The following GTF3A variants were observed in gnomAD, a reference collection of about 807,000 sequenced individuals.
GTF3A encodes the protein general transcription factor IIIA.
In GTF3A, 40 loss-of-function variants were observed where a neutral mutation model predicts 37.6. That is an observed-to-expected ratio of 1.06 (90% CI 0.83 to 1.38). GTF3A has a LOEUF of 1.38. Ranked by LOEUF, GTF3A falls within the 40% of genes most tolerant of loss-of-function variation. The pLI is 0.00. For missense variants in GTF3A, 500 were observed against 462.6 expected, an observed-to-expected ratio of 1.08 and a Z score of -0.74; for synonymous variants, 191 against 166.7, an observed-to-expected ratio of 1.15 and a Z score of -1.12.
At chr13:27,434,606 T>TGTG (rs1412534919) in intron 6 of GTF3A, 199 bp from the exon 7 acceptor site, 1 of 580,218 alleles carries the variant, frequency 1.7e-6, no homozygotes, top group African/African-American at 1.9e-5. Flanking sequence ...GAACAATGAC[T>TGTG]GTGTGGCATT....
chr13:27,431,745 G>A (rs760114499), intron 4 of GTF3A, among the ~76,000 whole-genome samples: 10 of 151,928 alleles, frequency 6.6e-5, no homozygotes, highest in Non-Finnish European at 8.8e-5. Flanking sequence ...TCCACGTAAC[G>A]AAAAAACACT....
chr13:27,425,213 G>C, intron 1 of GTF3A: 1 of 424,486 alleles, frequency 2.4e-6, no homozygotes, highest in Non-Finnish European at 4.2e-6. Context: ...AAATAAGTGT[G>C]AGGTTTGAGG....
At position 27,430,568 on chromosome 13, in the gene GTF3A, ACAT is replaced by A; in HGVS notation, c.438_440del (p.His146del). ...AAGACTGTAAGAAGACCTTTAAGAAACATCAGCAGCTGAAAATCCATCAGTGCC... is the reference window on the plus strand; with the variant it reads ...AAGACTGTAAGAAGACCTTTAAGAAACAGCAGCTGAAAATCCATCAGTGCC... On this transcript the variant is annotated inframe_deletion, in exon 4 of 9. Transcript: ENST00000381140. 1 of 1,612,552 alleles carries A rather than the reference ACAT, an allele frequency of 6.2e-7. No individual in the cohort carries two copies. Among genetic ancestry groups the A allele is most frequent in the Non-Finnish European group, 8.5e-7 (1 of 1,178,790 alleles).
intron 6 of GTF3A, 166 bp from the exon 7 acceptor site, chr13:27,434,639 C>A: frequency 1.7e-6 from 1 of 584,278 alleles, no homozygotes; most frequent in Non-Finnish European, 3.0e-6. Context: ...AGAATTGAGA[C>A]AAACTTCCTA....
At chr13:27,433,029 C>T (rs535559091) in intron 5 of GTF3A, among the ~76,000 whole-genome samples, 2 of 152,252 alleles carry the variant, frequency 1.3e-5, no homozygotes, top group South Asian at 4.1e-4. Flanking sequence ...TCACAACAAG[C>T]GCCTGGTTAC....
chr13:27,434,519 A>G, intron 6 of GTF3A: 1 of 511,084 alleles, frequency 2.0e-6, no homozygotes, highest in Non-Finnish European at 3.5e-6. Context: ...ACTGGGGGAC[A>G]AGGAAGGACA....
chr13:27,427,135 T>A lies in GTF3A; in HGVS notation c.245T>A (p.Ile82Asn), dbSNP rs773911915. 1 of 1,608,486 alleles carries A rather than the reference T, an allele frequency of 6.2e-7. No homozygotes were observed. Among genetic ancestry groups the A allele is most frequent in the East Asian group, 2.2e-5 (1 of 44,862 alleles). The change falls in exon 2 of 9, where the codon ATC (isoleucine) becomes AAC (asparagine). Residue 82 changes from isoleucine (I) to asparagine (N), a missense_variant. Ile to Asn is a moderately radical substitution (Grantham distance 149, BLOSUM62 -3). Transcript: ENST00000381140. ...TATGAAGGGTGTGGCAAGGCCTTCA[T>A]CAGGGACTACCATCTGAGCCGCCAC...
Position 27,427,188 on chromosome 13 carries a change from T to A in GTF3A, c.298T>A (p.Phe100Ile). Residue 100 changes from phenylalanine (F) to isoleucine (I), a missense_variant, in exon 2 of 9, where the codon TTT (phenylalanine) becomes ATT (isoleucine). Physicochemically the swap from Phe to Ile is conservative, Grantham distance 21. Coordinates refer to ENST00000381140, the MANE Select transcript of GTF3A (RefSeq NM_002097.3). ...TCTGACTCACACAGGAGAAAAGCCG[T>A]TTGTGTAAGTAGAGACCTGTTTTTA... The A allele has an allele frequency of 1.3e-6, 2 of 1,546,810 alleles. No individual in the cohort carries two copies. Among genetic ancestry groups the A allele is most frequent in the Non-Finnish European group, 1.8e-6 (2 of 1,121,354 alleles).
chr13:27,432,545 T>C (rs1953666590), intron 4 of GTF3A, among the ~76,000 whole-genome samples, 186 bp from the exon 5 acceptor site: 1 of 152,214 alleles, frequency 6.6e-6, no homozygotes, highest in Admixed American at 6.5e-5. Context: ...CTCCAACAGT[T>C]TGTTTTGTCC....
At chr13:27,431,537 T>C (rs1464228115) in intron 4 of GTF3A, among the ~76,000 whole-genome samples, 1 of 151,574 alleles carries the variant, frequency 6.6e-6, no homozygotes, top group African/African-American at 2.4e-5. Context: ...AACTCAGGAA[T>C]GGAAAACCAA....
At chr13:27,435,213 C>A (rs1953700531) in intron 8 of GTF3A, 21 bp downstream of exon 8, 1 of 1,573,854 alleles carries the variant, frequency 6.4e-7, no homozygotes, top group South Asian at 1.2e-5. Flanking sequence ...ACTACTTAGG[C>A]AAGCTTAGTT....
chr13:27,435,774 A>G lies in GTF3A; in HGVS notation c.*177A>G. On this transcript the variant is annotated 3_prime_UTR_variant, in exon 9 of 9. Transcript: ENST00000381140. Reference sequence around the variant, plus strand: ...GAGTTTCTTTATATGCCTTCTCCTCATTTTTGCTGAAAGCACGAAGAACAC... The same window carrying G: ...GAGTTTCTTTATATGCCTTCTCCTCGTTTTTGCTGAAAGCACGAAGAACAC... 5 of 1,613,952 alleles carry G rather than the reference A, an allele frequency of 3.1e-6. No individual in the cohort carries two copies. In the South Asian group the frequency reaches 5.5e-5, roughly 18 times the overall value.
chr13:27,430,048 G>A (rs1008667054), intron 3 of GTF3A, 82 bp downstream of exon 3: 8 of 697,754 alleles, frequency 1.1e-5, no homozygotes, highest in South Asian at 4.7e-5. Context: ...AGCCAGGTGC[G>A]GTGGCTCAAG....
chr13:27,431,177 G>A (rs570448625), intron 4 of GTF3A, among the ~76,000 whole-genome samples: 21 of 151,912 alleles, frequency 1.4e-4, no homozygotes, highest in Admixed American at 5.2e-4. Flanking sequence ...GTTGAAGATC[G>A]GGTGGCTGTA....
At position 27,435,520 on chromosome 13, in the gene GTF3A, T is replaced by C. The variant is rs765553639; in HGVS notation, c.1021T>C (p.Leu341=). 5 of 1,613,576 alleles carry C rather than the reference T, an allele frequency of 3.1e-6. No individual in the cohort carries two copies. Among genetic ancestry groups the C allele is most frequent in the Non-Finnish European group, 4.2e-6 (5 of 1,179,574 alleles). The change falls in exon 9 of 9, where the codon TTG becomes CTG. Residue 341 remains leucine, a synonymous_variant. Transcript: ENST00000381140. ...AAGGAAACAAGGGCAAGGCTTATCT[T>C]TGTGTCAAAACGGAGAGTCACCCAA...
intron 3 of GTF3A, 60 bp downstream of exon 3, chr13:27,430,026 T>G: frequency 2.2e-6 from 2 of 890,692 alleles, no homozygotes; most frequent in Non-Finnish European, 3.3e-6. Context: ...TGCCTATGTT[T>G]CTGACATTTT....
chr13:27,425,047 C>G, intron 1 of GTF3A, 109 bp downstream of exon 1: 1 of 722,684 alleles, frequency 1.4e-6, no homozygotes, highest in East Asian at 3.2e-5. Flanking sequence ...GCGCGTTCAG[C>G]TTTGACATCC....
Position 27,430,546 on chromosome 13 carries a change from A to T in GTF3A, c.413A>T (p.Asp138Val), listed in dbSNP as rs371063152. The change falls in exon 4 of 9, where the codon GAC (aspartate) becomes GTC (valine). Residue 138 changes from aspartate to valine, a missense_variant. Transcript: ENST00000381140. ...ACAATTTAACAGTGCAGTTTTGAAG[A>T]CTGTAAGAAGACCTTTAAGAAACAT... 8.7e-6 allele frequency: 14 copies of T among 1,607,722 alleles called. No individual in the cohort carries two copies. The African/African-American group carries it at 1.9e-4, about 21-fold the overall frequency.
chr13:27,435,340 A>T, intron 8 of GTF3A, 93 bp from the exon 9 acceptor site: 1 of 1,352,842 alleles, frequency 7.4e-7, no homozygotes, highest in African/African-American at 1.4e-5. Context: ...GCAATGTTGT[A>T]CACTATATCT....
Sources: gnomAD v4.1 joint callset for allele counts (sites outside exome capture counted in the v4.1 genomes callset) on GRCh38, gnomAD v4.1.1 for gene constraint, MANE v1.5 for transcripts, NCBI Gene and HGNC (gene_info 2026-07-23, HGNC 2026-07-21) for gene names.